KLHL18: variants seen among roughly 807,000 people sequenced by gnomAD.
KLHL18 encodes kelch like family member 18.
A neutral mutation model predicts 58.5 loss-of-function variants in KLHL18; 38 were observed. The observed-to-expected ratio is 0.65, with a 90% CI of 0.50 to 0.85. The LOEUF (loss-of-function observed/expected upper bound fraction) is 0.85. Ranked by LOEUF, KLHL18 falls within the 40% of genes least tolerant of loss-of-function variation. The pLI, the probability that KLHL18 is intolerant of heterozygous loss-of-function variation, is 0.00. For synonymous variants in KLHL18, 303 were observed against 301.9 expected (o/e 1.00, Z -0.04); for missense variants, 624 against 778.4 (o/e 0.80, Z 2.36).
At chr3:47,290,793 A>G (rs1702776502) in intron 1 of KLHL18, among the ~76,000 whole-genome samples, 1 of 152,202 alleles carries the variant, frequency 6.6e-6, no homozygotes, top group Admixed American at 6.5e-5. Context: ...AGCAATAAGA[A>G]CTGAGAGGAA....
chr3:47,306,074 A>G (rs1703141675), intron 1 of KLHL18, among the ~76,000 whole-genome samples: 1 of 150,410 alleles, frequency 6.6e-6, no homozygotes, highest in South Asian at 2.1e-4. Context: ...TGCTCCTTTT[A>G]ATTTCCTTCC....
intron 1 of KLHL18, among the ~76,000 whole-genome samples, chr3:47,290,323 A>G (rs1702764521): frequency 6.6e-6 from 1 of 152,242 alleles, no homozygotes; most frequent in Non-Finnish European, 1.5e-5. Flanking sequence ...TCTTTTAGAC[A>G]TATGAATTCT....
chr3:47,326,344 G>T (rs933238035), intron 3 of KLHL18, among the ~76,000 whole-genome samples: 1 of 152,158 alleles, frequency 6.6e-6, no homozygotes, highest in East Asian at 1.9e-4. Flanking sequence ...TCAAGTCACC[G>T]CTTCCTGCCT....
intron 4 of KLHL18, among the ~76,000 whole-genome samples, chr3:47,332,038 A>G (rs1384803734): frequency 6.6e-6 from 1 of 152,046 alleles, no homozygotes; most frequent in Non-Finnish European, 1.5e-5. Flanking sequence ...GAGAGTGAGG[A>G]TGAGGGACGA....
intron 1 of KLHL18, among the ~76,000 whole-genome samples, chr3:47,289,573 A>G (rs1259384462): frequency 6.6e-6 from 1 of 152,220 alleles, no homozygotes; most frequent in Non-Finnish European, 1.5e-5. Context: ...TGTTGTGTAT[A>G]TAGTACAGTG....
In KLHL18 at chr3:47,342,708, CT is replaced by C; in HGVS notation, c.1227-8del. 6.2e-7 allele frequency: 1 copy of C among 1,612,098 alleles called. No individual in the cohort carries two copies. The highest frequency in any genetic ancestry group is 8.5e-7 in the Non-Finnish European group (1 of 1,178,244). ...TCATGCTTCCCCTCCTATTTTGACT[CT>C]TTCCTGAAGATGGACAGTGGTGACC... On this transcript the variant is annotated splice_polypyrimidine_tract_variant and intron_variant, in intron 8 of 9. Coordinates refer to ENST00000232766, the MANE Select transcript of KLHL18 (RefSeq NM_025010.5).
chr3:47,311,766 A>G (rs1559493516), intron 1 of KLHL18, among the ~76,000 whole-genome samples: 1 of 152,170 alleles, frequency 6.6e-6, no homozygotes, highest in Admixed American at 6.5e-5. Flanking sequence ...TGACTGGTAG[A>G]CCTAATCTTC....
chr3:47,283,170 AAG>A (rs368357141), intron 1 of KLHL18, 76 bp downstream of exon 1: 4 of 1,241,650 alleles, frequency 3.2e-6, no homozygotes, highest in Middle Eastern at 2.1e-4. Flanking sequence ...GGGACAGAGA[AAG>A]AGAGGTCTAG....
Position 47,344,288 on chromosome 3 carries a change from GC to G in KLHL18, c.*348del, listed in dbSNP as rs962010689. The G allele has an allele frequency of 3.1e-6, 1 of 323,676 alleles. No individual in the cohort carries two copies. Among genetic ancestry groups the G allele is most frequent in the African/African-American group, 2.2e-5 (1 of 45,480 alleles). The allele number at this position is 323,676 out of a possible 1,614,324, so 20.1% of individuals were successfully genotyped here. A position where few individuals can be genotyped will look rare whatever the true frequency, so the allele number is the denominator to read the frequency against. On this transcript the variant is annotated 3_prime_UTR_variant, in exon 10 of 10. Transcript: ENST00000232766. ...GTTCACAGAAGGCCTTCCATCTGATGCTCCCCATCGCCTGCTTGCTCTCCAG... is the reference window on the plus strand; with the variant it reads ...GTTCACAGAAGGCCTTCCATCTGATGTCCCCATCGCCTGCTTGCTCTCCAG...
intron 1 of KLHL18, among the ~76,000 whole-genome samples, chr3:47,293,964 A>C (rs1702843624): frequency 6.6e-6 from 1 of 152,222 alleles, no homozygotes; most frequent in South Asian, 2.1e-4. Context: ...GTAACTCCAC[A>C]AGAGCAGGGC....
At chr3:47,297,675 A>G (rs1317657269) in intron 1 of KLHL18, 1 of 450,330 alleles carries the variant, frequency 2.2e-6, no homozygotes, top group Non-Finnish European at 4.4e-6. Flanking sequence ...AAGAAGAGGT[A>G]AAATTCATCA....
At chr3:47,291,755 A>G (rs1226094917) in intron 1 of KLHL18, among the ~76,000 whole-genome samples, 2 of 152,240 alleles carry the variant, frequency 1.3e-5, no homozygotes, top group Non-Finnish European at 2.9e-5. Flanking sequence ...GTATTTAGGA[A>G]TTGAAGCATT....
intron 3 of KLHL18, among the ~76,000 whole-genome samples, chr3:47,324,191 A>G (rs1190487650): frequency 6.7e-6 from 1 of 150,344 alleles, no homozygotes; most frequent in Non-Finnish European, 1.5e-5. Context: ...AGCACACACT[A>G]TCTTTCCTGC....
intron 1 of KLHL18, among the ~76,000 whole-genome samples, chr3:47,284,663 A>G (rs945652539): frequency 5.9e-5 from 9 of 152,118 alleles, no homozygotes; most frequent in Admixed American, 5.9e-4. Flanking sequence ...TACATGGTTA[A>G]GGAAACTTTT....
intron 7 of KLHL18, 66 bp from the exon 8 acceptor site, chr3:47,340,506 G>A: frequency 6.2e-7 from 1 of 1,608,738 alleles, no homozygotes; most frequent in South Asian, 1.1e-5. Flanking sequence ...TTGTTTCTCA[G>A]TGGGCAAGAG....
At chr3:47,327,331 T>A (rs1703749922) in intron 3 of KLHL18, among the ~76,000 whole-genome samples, 1 of 152,256 alleles carries the variant, frequency 6.6e-6, no homozygotes, top group Non-Finnish European at 1.5e-5. Context: ...ACGAGAATCC[T>A]AACCTGAGAA....
rs532190157 is a variant in KLHL18, at chr3:47,333,098, C to T, written c.601-59C>T. 15 of 1,569,084 alleles carry T rather than the reference C, an allele frequency of 9.6e-6. No individual in the cohort carries two copies. In the African/African-American group the frequency reaches 1.9e-4, roughly 20 times the overall value. On this transcript the variant is annotated intron_variant, in intron 4 of 9. Coordinates refer to ENST00000232766, the MANE Select transcript of KLHL18 (RefSeq NM_025010.5). Reference sequence around the variant, plus strand: ...GAAGTGGAGGCATTGAGATTGGAGGCCTGGGGTGTGGCCTCTGGGTGGGAG... The same window carrying T: ...GAAGTGGAGGCATTGAGATTGGAGGTCTGGGGTGTGGCCTCTGGGTGGGAG...
chr3:47,327,716 G>A (rs1246335845), intron 3 of KLHL18, among the ~76,000 whole-genome samples: 1 of 152,124 alleles, frequency 6.6e-6, no homozygotes, highest in African/African-American at 2.4e-5. Context: ...CCAAAGCAAT[G>A]GACAGAGCAA....
chr3:47,333,316 A>C lies in KLHL18; in HGVS notation c.760A>C (p.Arg254=). ...CCTGGTGCGTTGCTGCCACAAATGCAGGTGAGTGAGGGTGGACCTGCACAG... is the reference window on the plus strand; with the variant it reads ...CCTGGTGCGTTGCTGCCACAAATGCCGGTGAGTGAGGGTGGACCTGCACAG... ...DDLVRCCHKC[R]DLVDEAKDYH... The change falls in exon 5 of 10, where the codon AGG becomes CGG. Residue 254 remains arginine, a splice_region_variant and synonymous_variant. Transcript: ENST00000232766. 6.2e-7 allele frequency: 1 copy of C among 1,612,954 alleles called. No individual in the cohort carries two copies. Among genetic ancestry groups the C allele is most frequent in the Non-Finnish European group, 8.5e-7 (1 of 1,179,340 alleles).
Sources: gnomAD v4.1 joint callset for allele counts (sites outside exome capture counted in the v4.1 genomes callset) on GRCh38, gnomAD v4.1.1 for gene constraint, MANE v1.5 for transcripts, NCBI Gene and HGNC (gene_info 2026-07-23, HGNC 2026-07-21) for gene names.